The following TMEM67 variants were observed in gnomAD, a reference collection of about 807,000 sequenced individuals.
TMEM67 encodes transmembrane protein 67.
In TMEM67, 124 loss-of-function variants were observed where a neutral mutation model predicts 136.6. That is an observed-to-expected ratio of 0.91 (90% CI 0.78 to 1.05). The LOEUF (loss-of-function observed/expected upper bound fraction) is 1.05, where lower values mean the gene tolerates loss of function less well. TMEM67 is among the 50% of genes least tolerant of loss of function. TMEM67 has a pLI of 0.00. For missense variants in TMEM67, 1,107 were observed against 1,178.4 expected, an observed-to-expected ratio of 0.94 and a Z score of 0.89; for synonymous variants, 364 against 390.5, an observed-to-expected ratio of 0.93 and a Z score of 0.80.
chr8:93,808,510 A>AT, intron 23 of TMEM67, among the ~76,000 whole-genome samples: 1 of 13,168 alleles, frequency 7.6e-5, no homozygotes, highest in East Asian at 3.1e-3. Flanking sequence ...ATAGATGAAT[A>AT]TATATATTTA....
Position 93,804,969 on chromosome 8 carries a change from T to G in TMEM67, c.2439+91T>G, listed in dbSNP as rs369110766. 15 of 845,494 alleles carry G rather than the reference T, an allele frequency of 1.8e-5. No individual in the cohort carries two copies. In the African/African-American group the frequency reaches 2.0e-4, roughly 11 times the overall value. The allele number at this position is 845,494 out of a possible 1,614,324, so 52.4% of individuals were successfully genotyped here. A position where few individuals can be genotyped will look rare whatever the true frequency, so the allele number is the denominator to read the frequency against. ...TGTTTTAAAAAAAAAACAGTCTTCA[T>G]TGATAACTTTTTTTTCTTTTTGAGA... On this transcript the variant is annotated intron_variant, in intron 23 of 27. Coordinates refer to ENST00000453321, the MANE Select transcript of TMEM67 (RefSeq NM_153704.6).
chr8:93,830,223 G>A, the TMEM67 span, among the ~76,000 whole-genome samples: 1 of 152,184 alleles, frequency 6.6e-6, no homozygotes, highest in Non-Finnish European at 1.5e-5. Context: ...CCAAATGGCT[G>A]AGCACATGAG....
At chr8:93,822,924 TA>T (rs1381819274), downstream of TMEM67, among the ~76,000 whole-genome samples, 1 of 152,208 alleles carries the variant, frequency 6.6e-6, no homozygotes, top group Non-Finnish European at 1.5e-5. Flanking sequence ...AACTCTTATC[TA>T]AAGTATATAA....
At chr8:93,804,939 G>A in intron 23 of TMEM67, 61 bp downstream of exon 23, 1 of 991,686 alleles carries the variant, frequency 1.0e-6, no homozygotes, top group Non-Finnish European at 1.6e-6. Flanking sequence ...TATAAATGCT[G>A]GATTTGTTTT....
intron 26 of TMEM67, 114 bp from the exon 27 acceptor site, chr8:93,815,191 C>T (rs1808858669): frequency 1.5e-6 from 1 of 661,234 alleles, no homozygotes; most frequent in Non-Finnish European, 2.5e-6. Flanking sequence ...GTATTGTATA[C>T]AGTATGTTTC....
rs1038938452 is a variant in TMEM67, at chr8:93,796,123, G to A, written c.1860+136G>A. 7 of 684,048 alleles carry A rather than the reference G, an allele frequency of 1.0e-5. No homozygotes were observed. The Admixed American group carries it at 1.5e-4, about 15-fold the overall frequency. The allele number at this position is 684,048 out of a possible 1,614,324, so 42.4% of individuals were successfully genotyped here. ...TGAAAGAAAGCATTAATTATTTTAT[G>A]TGGTAAATTTACTTTTATTTATAGT... On this transcript the variant is annotated intron_variant, in intron 18 of 27. Transcript: ENST00000453321.
chr8:93,817,771 C>T lies in TMEM67; in HGVS notation c.*1319C>T, dbSNP rs1410775834. ...GCCATTGCCAAAGTTGAATCTTTTACATTTCCCTGAATCTTGAGGATGACT... is the reference window on the plus strand; with the variant it reads ...GCCATTGCCAAAGTTGAATCTTTTATATTTCCCTGAATCTTGAGGATGACT... On this transcript the variant is annotated 3_prime_UTR_variant, in exon 28 of 28. Coordinates refer to ENST00000453321, the MANE Select transcript of TMEM67 (RefSeq NM_153704.6). The T allele has an allele frequency of 6.6e-6, 1 of 152,176 alleles. No homozygotes were observed. Among genetic ancestry groups the T allele is most frequent in the Non-Finnish European group, 1.5e-5 (1 of 68,048 alleles). 9.4% of individuals were successfully genotyped at this position (152,176 alleles called of 1,614,324 possible).
chr8:93,757,810 G>A (rs1432921823), intron 2 of TMEM67, among the ~76,000 whole-genome samples: 2 of 150,798 alleles, frequency 1.3e-5, no homozygotes, highest in Non-Finnish European at 2.9e-5. Flanking sequence ...GCTCAGGCTG[G>A]AGTGCAGTGG....
In TMEM67 at chr8:93,817,932, A is replaced by C. The variant is rs1808968079; in HGVS notation, c.*1480A>C. On this transcript the variant is annotated 3_prime_UTR_variant, in exon 28 of 28. Transcript: ENST00000453321. Reference sequence around the variant, plus strand: ...CACTCACTCAGAAGCATATGAAAGAAATTCAACCATCATTCAACATAGAAG... The same window carrying C: ...CACTCACTCAGAAGCATATGAAAGACATTCAACCATCATTCAACATAGAAG... 6.6e-6 allele frequency: 1 copy of C among 152,276 alleles called. No individual in the cohort carries two copies. The highest frequency in any genetic ancestry group is 1.5e-5 in the Non-Finnish European group (1 of 68,046). 9.4% of individuals were successfully genotyped at this position (152,276 alleles called of 1,614,324 possible).
At chr8:93,809,990 A>G (rs1182962580) in intron 26 of TMEM67, 103 bp downstream of exon 26, 15 of 651,676 alleles carry the variant, frequency 2.3e-5, no homozygotes, top group Non-Finnish European at 3.6e-5. Context: ...TTTTTTTTAG[A>G]CGGCGTCTTG....
intron 23 of TMEM67, among the ~76,000 whole-genome samples, chr8:93,807,367 T>G (rs1289582168): frequency 6.6e-6 from 1 of 152,144 alleles, no homozygotes; most frequent in East Asian, 1.9e-4. Context: ...GGGAAAAGTA[T>G]GTAAAAATTG....
chr8:93,803,829 T>G, intron 22 of TMEM67, 145 bp downstream of exon 22: 1 of 657,334 alleles, frequency 1.5e-6, no homozygotes, highest in East Asian at 2.8e-5. Context: ...GAGATAATTA[T>G]AATGAGCTAC....
chr8:93,816,346 C>A, intron 27 of TMEM67, 26 bp from the exon 28 acceptor site: 1 of 1,127,848 alleles, frequency 8.9e-7, no homozygotes, highest in South Asian at 1.4e-5. Flanking sequence ...TATTTCTTTT[C>A]ATTCTGAATT....
At chr8:93,778,475 T>G (rs901636528) in intron 7 of TMEM67, among the ~76,000 whole-genome samples, 2 of 152,222 alleles carry the variant, frequency 1.3e-5, no homozygotes, top group East Asian at 3.8e-4. Context: ...TTTGGCATGT[T>G]TTTGCAGTGG....
rs75904325 is a variant in TMEM67 at position 93,797,006 on chromosome 8, A to T, written c.1861-128A>T. 6,219 of 687,432 alleles carry T rather than the reference A, an allele frequency of 9.0e-3. 44 individuals are homozygous for T. Among genetic ancestry groups the T allele is most frequent in the Non-Finnish European group, 0.011 (4,339 of 381,598 alleles). The allele number at this position is 687,432 out of a possible 1,614,324, so 42.6% of individuals were successfully genotyped here. ...GATTCCTTAGTGGTATTATAACTTC[A>T]TGTGAATTCACTCATAAAATTATAT... On this transcript the variant is annotated intron_variant, in intron 18 of 27. Coordinates refer to ENST00000453321, the MANE Select transcript of TMEM67 (RefSeq NM_153704.6).
chr8:93,769,026 G>A (rs1477748956), intron 6 of TMEM67, among the ~76,000 whole-genome samples: 4 of 151,590 alleles, frequency 2.6e-5, no homozygotes, highest in Non-Finnish European at 2.9e-5. Context: ...GGTCCCACAC[G>A]CAGACACTGC....
intron 26 of TMEM67, among the ~76,000 whole-genome samples, chr8:93,814,277 C>CT (rs897327415): frequency 4.6e-5 from 7 of 150,906 alleles, no homozygotes; most frequent in Admixed American, 2.0e-4. Context: ...GTAGCTGGGA[C>CT]TACAGGCGCC....
chr8:93,805,074 G>T (rs529049763), intron 23 of TMEM67, among the ~76,000 whole-genome samples, 196 bp downstream of exon 23: 1 of 152,228 alleles, frequency 6.6e-6, no homozygotes, highest in East Asian at 1.9e-4. Flanking sequence ...CTGGGTTCAA[G>T]TGATCCTCCC....
At chr8:93,820,172 G>T (rs1054606321), downstream of TMEM67, among the ~76,000 whole-genome samples, 1 of 152,128 alleles carries the variant, frequency 6.6e-6, no homozygotes, top group East Asian at 1.9e-4. Context: ...CCTGCCTCCT[G>T]ACTGGTGCTT....
Sources: allele counts gnomAD v4.1 joint callset (sites outside exome capture counted in the v4.1 genomes callset), GRCh38; gene constraint gnomAD v4.1.1; transcripts MANE v1.5; gene names NCBI Gene and HGNC (gene_info 2026-07-23, HGNC 2026-07-21).